The following DMC1 variants were observed in gnomAD, a reference collection of about 807,000 sequenced individuals.
The protein encoded by DMC1 is DNA meiotic recombinase 1, also known as meiotic recombination protein DMC1 homolog.
In DMC1, 27 loss-of-function variants were observed where a neutral mutation model predicts 50.1. That is an observed-to-expected ratio of 0.54 (90% confidence interval 0.40 to 0.74). DMC1 has a LOEUF of 0.74. DMC1 is among the 30% of genes least tolerant of loss of function. The pLI is 0.00. For synonymous variants in DMC1, 148 were observed against 136.1 expected (o/e 1.09, Z -0.61); for missense variants, 295 against 420.2 (o/e 0.70, Z 2.60).
chr22:38,539,990 C>T (rs2090262724), intron 8 of DMC1, among the ~76,000 whole-genome samples: 3 of 152,046 alleles, frequency 2.0e-5, no homozygotes, highest in Non-Finnish European at 4.4e-5. Context: ...ACTACATGAA[C>T]CAAAGGGTCA....
At chr22:38,559,428 C>T (rs893863094) in intron 5 of DMC1, among the ~76,000 whole-genome samples, 4 of 152,038 alleles carry the variant, frequency 2.6e-5, no homozygotes, top group Non-Finnish European at 5.9e-5. Flanking sequence ...CTTGGCCTCC[C>T]GAAGTGCTGT....
At chr22:38,535,435 CACAT>C (rs1394751539) in intron 12 of DMC1, among the ~76,000 whole-genome samples, 10 of 152,056 alleles carry the variant, frequency 6.6e-5, no homozygotes, top group African/African-American at 2.2e-4. Context: ...CACACACACA[CACAT>C]ACAGGAGAGA....
intron 8 of DMC1, among the ~76,000 whole-genome samples, chr22:38,541,242 G>T (rs1265400361): frequency 6.6e-6 from 1 of 152,126 alleles, no homozygotes; most frequent in Admixed American, 6.6e-5. Flanking sequence ...TTAGGACTCA[G>T]ATCTTAGTTA....
intron 8 of DMC1, among the ~76,000 whole-genome samples, chr22:38,544,794 T>A (rs2090325329): frequency 0.047 from 4 of 86 alleles, no homozygotes; most frequent in South Asian, 0.4. Flanking sequence ...CCCGGCTAAT[T>A]TTTTTTTTTT....
chr22:38,532,340 TGA>T (rs974419469), intron 12 of DMC1, among the ~76,000 whole-genome samples: 2 of 151,730 alleles, frequency 1.3e-5, no homozygotes, highest in African/African-American at 4.8e-5. Context: ...TTTTCTTTTT[TGA>T]GACAGAGTCT....
chr22:38,513,724 C>T, the DMC1 span, among the ~76,000 whole-genome samples: 7 of 152,130 alleles, frequency 4.6e-5, no homozygotes, highest in South Asian at 4.2e-4. Context: ...ATTACAGGTG[C>T]GCACCACCAA....
chr22:38,521,649 T>C lies in DMC1; in HGVS notation c.912A>G (p.Arg304=). 6.2e-7 allele frequency: 1 copy of C among 1,613,966 alleles called. No homozygotes were observed. Among genetic ancestry groups the C allele is most frequent in the South Asian group, 1.1e-5 (1 of 91,072 alleles). The change falls in exon 13 of 14, where the codon CGA becomes CGG. Residue 304 remains arginine (R), a synonymous_variant. Transcript: ENST00000216024. ...AHASTTRISL[R]KGRGELRIAK... Reference sequence around the variant, plus strand: ...CAATTCTGAGCTCTCCTCTTCCCTTTCGCAAGCTTATTCTTGTTGTTGAAG... The same window carrying C: ...CAATTCTGAGCTCTCCTCTTCCCTTCCGCAAGCTTATTCTTGTTGTTGAAG...
chr22:38,510,350 G>T, the DMC1 span, among the ~76,000 whole-genome samples: 1 of 152,144 alleles, frequency 6.6e-6, no homozygotes, highest in Non-Finnish European at 1.5e-5. Context: ...AGCTACTCGA[G>T]AGCCTGAGGC....
chr22:38,538,308 T>C lies in DMC1; in HGVS notation c.762A>G (p.Gln254=), dbSNP rs756601168. The C allele has an allele frequency of 6.2e-6, 10 of 1,613,906 alleles. No individual in the cohort carries two copies. The highest frequency in any genetic ancestry group is 8.5e-6 in the Non-Finnish European group (10 of 1,179,896). Residue 254 remains glutamine (Q), a synonymous_variant, in exon 11 of 14, where the codon CAA becomes CAG. Transcript: ENST00000216024. ...QKLAQMLSRL[Q]KISEEYNVAV... The stretch of plus-strand genomic sequence containing the variant: ...TTAAAGATATACCTTCTGAGATTTT[T>C]TGGAGTCGTGACAACATCTGGGCCA...
chr22:38,540,653 TC>T (rs1325200075), intron 8 of DMC1, among the ~76,000 whole-genome samples: 3 of 152,190 alleles, frequency 2.0e-5, no homozygotes, highest in Admixed American at 2.0e-4. Context: ...TAATTTAAAT[TC>T]CCAGCCATTT....
At chr22:38,515,667 C>T (rs555034395), downstream of DMC1, among the ~76,000 whole-genome samples, 3 of 151,500 alleles carry the variant, frequency 2.0e-5, no homozygotes, top group East Asian at 2.0e-4. Context: ...GGTGTAGTGG[C>T]GGGCGCCTGC....
At chr22:38,522,479 T>C (rs917094971) in intron 12 of DMC1, among the ~76,000 whole-genome samples, 1 of 152,144 alleles carries the variant, frequency 6.6e-6, no homozygotes, top group East Asian at 2.0e-4. Context: ...AGAGAATTGT[T>C]TGAACCCAAG....
chr22:38,552,922 A>G (rs1252445458), intron 6 of DMC1, among the ~76,000 whole-genome samples: 3 of 151,666 alleles, frequency 2.0e-5, no homozygotes, highest in African/African-American at 7.3e-5. Context: ...ATCTCAGCTC[A>G]CTGCAACCTT....
At chr22:38,538,217 G>A in intron 11 of DMC1, 78 bp downstream of exon 11, 3 of 1,212,438 alleles carry the variant, frequency 2.5e-6, no homozygotes, top group Non-Finnish European at 3.6e-6. Flanking sequence ...GCTGCCTCCT[G>A]ACATTATATT....
Position 38,549,085 on chromosome 22 carries a change from G to A in DMC1, c.494+840C>T, listed in dbSNP as rs1206127450. On this transcript the variant is annotated intron_variant, in intron 8 of 13. Transcript: ENST00000216024. ...TTTTATTCTTACCAGTTCCAACCTA[G>A]ATCAAGTTCTCATTACTTGCCTAGA... Among the ~76,000 whole-genome samples the A allele has an allele frequency of 2.0e-5, 3 of 151,984 alleles. No individual in the cohort carries two copies. In the East Asian group the frequency reaches 5.8e-4, roughly 29 times the overall value.
the DMC1 span, among the ~76,000 whole-genome samples, chr22:38,510,922 T>A: frequency 9.2e-5 from 14 of 152,244 alleles, no homozygotes; most frequent in Non-Finnish European, 1.3e-4. Flanking sequence ...TACTTGTAGC[T>A]GAAAGCATTC....
intron 12 of DMC1, among the ~76,000 whole-genome samples, chr22:38,522,841 G>A (rs1382799154): frequency 6.6e-6 from 1 of 152,110 alleles, no homozygotes; most frequent in Non-Finnish European, 1.5e-5. Context: ...TAGGTTGGTC[G>A]GGATAAGAAG....
chr22:38,568,716 C>G (rs2090607232), intron 1 of DMC1, among the ~76,000 whole-genome samples: 1 of 152,132 alleles, frequency 6.6e-6, no homozygotes, highest in Non-Finnish European at 1.5e-5. Flanking sequence ...TTCCTTGTGT[C>G]CTCCCTGACA....
intron 11 of DMC1, 111 bp downstream of exon 11, chr22:38,538,184 G>A: frequency 1.2e-6 from 1 of 828,834 alleles, no homozygotes; most frequent in Non-Finnish European, 2.0e-6. Flanking sequence ...TCTCATAAAG[G>A]TAATTTTATT....
Sources: gnomAD v4.1 joint callset for allele counts (sites outside exome capture counted in the v4.1 genomes callset) on GRCh38, gnomAD v4.1.1 for gene constraint, MANE v1.5 for transcripts, NCBI Gene and HGNC (gene_info 2026-07-23, HGNC 2026-07-21) for gene names.